TAB2: variants seen among roughly 807,000 people sequenced by gnomAD.
TAB2 encodes TGF-beta activated kinase 1 (MAP3K7) binding protein 2, also known as TGF-beta-activated kinase 1 and MAP3K7-binding protein 2.
In TAB2, 3 loss-of-function variants were observed where a neutral mutation model predicts 65.0. The ratio of observed to expected loss-of-function variants is 0.05; its 90% CI spans 0.02 to 0.12. TAB2 has a LOEUF of 0.12. Among genes scored for constraint, TAB2 ranks in the 10% least tolerant of loss-of-function variants. The pLI is 1.00. For synonymous variants in TAB2, 298 were observed against 285.1 expected (o/e 1.05, Z -0.46); for missense variants, 623 against 840.3 (o/e 0.74, Z 3.20).
chr6:149,380,846 G>A (rs1445837054), intron 3 of TAB2, among the ~76,000 whole-genome samples: 1 of 152,180 alleles, frequency 6.6e-6, no homozygotes, highest in Non-Finnish European at 1.5e-5. Context: ...CTCTTAGGGG[G>A]TCCTAATTGC....
At chr6:149,288,594 AAAG>A (rs1778717984) in intron 1 of TAB2, among the ~76,000 whole-genome samples, 1 of 152,216 alleles carries the variant, frequency 6.6e-6, no homozygotes, top group African/African-American at 2.4e-5. Flanking sequence ...CAATTAGTGA[AAAG>A]CTTAACTCCA....
chr6:149,362,339 T>C (rs1444502640), intron 1 of TAB2, among the ~76,000 whole-genome samples: 1 of 152,226 alleles, frequency 6.6e-6, no homozygotes, highest in African/African-American at 2.4e-5. Context: ...TCAGGAAGCT[T>C]ACAGCTATGG....
intron 1 of TAB2, among the ~76,000 whole-genome samples, chr6:149,325,213 T>A (rs1356346407): frequency 6.6e-6 from 1 of 152,190 alleles, no homozygotes; most frequent in Non-Finnish European, 1.5e-5. Flanking sequence ...ATTTTAGACA[T>A]CATTCACACA....
chr6:149,384,944 T>C (rs1781741272), intron 3 of TAB2, among the ~76,000 whole-genome samples: 1 of 152,142 alleles, frequency 6.6e-6, no homozygotes, highest in Non-Finnish European at 1.5e-5. Context: ...GGTAAACTTT[T>C]TATTATTTAA....
chr6:149,266,475 T>C (rs1196039716), intron 1 of TAB2, among the ~76,000 whole-genome samples: 1 of 152,218 alleles, frequency 6.6e-6, no homozygotes, highest in Non-Finnish European at 1.5e-5. Context: ...TGAGGGGCCC[T>C]TGACCACATT....
intron 1 of TAB2, among the ~76,000 whole-genome samples, chr6:149,238,578 A>G (rs954811239): frequency 3.3e-5 from 5 of 152,180 alleles, no homozygotes; most frequent in African/African-American, 1.2e-4. Context: ...GGCCTCCCAG[A>G]ATGGCACAAG....
At chr6:149,296,508 T>C (rs1228071663) in intron 1 of TAB2, among the ~76,000 whole-genome samples, 1 of 152,234 alleles carries the variant, frequency 6.6e-6, no homozygotes, top group East Asian at 1.9e-4. Flanking sequence ...ATCTCTTCAA[T>C]ATTTCAAGAA....
At chr6:149,254,463 A>C (rs1314739305) in intron 1 of TAB2, among the ~76,000 whole-genome samples, 1 of 152,162 alleles carries the variant, frequency 6.6e-6, no homozygotes, top group Non-Finnish European at 1.5e-5. Context: ...TTCTGAACTC[A>C]CTTCAGTACT....
chr6:149,393,531 T>C (rs935039679), intron 3 of TAB2, among the ~76,000 whole-genome samples: 7 of 152,198 alleles, frequency 4.6e-5, no homozygotes, highest in South Asian at 2.1e-4. Flanking sequence ...TAAATCATCA[T>C]TGAATCAGAT....
chr6:149,224,099 C>T (rs541533576), intron 1 of TAB2, among the ~76,000 whole-genome samples: 1 of 152,168 alleles, frequency 6.6e-6, no homozygotes, highest in Non-Finnish European at 1.5e-5. Context: ...ATGTTGGACC[C>T]AGTTCCAAAG....
intron 1 of TAB2, among the ~76,000 whole-genome samples, chr6:149,289,722 A>G (rs957808255): frequency 3.3e-5 from 5 of 152,234 alleles, no homozygotes; most frequent in African/African-American, 1.2e-4. Flanking sequence ...AATATGAGTA[A>G]CCAATGGCCT....
intron 1 of TAB2, chr6:149,244,748 G>C (rs145363449): frequency 2.6e-5 from 4 of 152,190 alleles, no homozygotes; most frequent in Admixed American, 2.6e-4. Context: ...GCCAGGCGTG[G>C]GGGTGCATGC....
At chr6:149,334,639 C>T (rs1779880254) in intron 1 of TAB2, among the ~76,000 whole-genome samples, 1 of 151,316 alleles carries the variant, frequency 6.6e-6, no homozygotes, top group African/African-American at 2.4e-5. Flanking sequence ...TACATGACAG[C>T]ACTCCAGCCT....
At chr6:149,268,222 G>A (rs1463155208) in intron 1 of TAB2, among the ~76,000 whole-genome samples, 2 of 152,132 alleles carry the variant, frequency 1.3e-5, no homozygotes, top group East Asian at 1.9e-4. Flanking sequence ...GCTCCTTCTC[G>A]GTTGTTCTGC....
At chr6:149,283,194 A>G (rs765697803) in intron 1 of TAB2, among the ~76,000 whole-genome samples, 5 of 152,158 alleles carry the variant, frequency 3.3e-5, no homozygotes, top group Non-Finnish European at 7.4e-5. Flanking sequence ...CTTCTTGCTT[A>G]ATGCTGAGTG....
At chr6:149,245,068 T>G (rs534431898) in intron 1 of TAB2, 2 of 152,158 alleles carry the variant, frequency 1.3e-5, no homozygotes, top group South Asian at 4.2e-4. Context: ...TGAGCTGGAG[T>G]TTAAACCCAG....
intron 6 of TAB2, chr6:149,401,312 C>G (rs1356039635): frequency 1.2e-5 from 2 of 165,850 alleles, no homozygotes; most frequent in Admixed American, 6.6e-5. Flanking sequence ...AATATACTAT[C>G]TACAAGAGAC....
chr6:149,405,299 G>A (rs1157509753), intron 6 of TAB2, among the ~76,000 whole-genome samples: 3 of 152,188 alleles, frequency 2.0e-5, no homozygotes, highest in Non-Finnish European at 2.9e-5. Context: ...AAAAGAGAAC[G>A]CTTGTACACT....
intron 1 of TAB2, among the ~76,000 whole-genome samples, chr6:149,302,837 G>T (rs553481026): frequency 3.3e-5 from 5 of 152,184 alleles, no homozygotes; most frequent in Non-Finnish European, 5.9e-5. Flanking sequence ...GGCCAGTACT[G>T]GTCTGGAGGC....
Sources: gnomAD v4.1 joint callset for allele counts (sites outside exome capture counted in the v4.1 genomes callset) on GRCh38, gnomAD v4.1.1 for gene constraint, MANE v1.5 for transcripts, NCBI Gene and HGNC (gene_info 2026-07-23, HGNC 2026-07-21) for gene names.